KAZN: variants seen among roughly 807,000 people sequenced by gnomAD.
KAZN encodes kazrin, periplakin interacting protein, also known as kazrin.
In KAZN, 40 loss-of-function variants were observed where a neutral mutation model predicts 87.4. That is an observed-to-expected ratio of 0.46 (90% CI 0.36 to 0.60). The LOEUF (loss-of-function observed/expected upper bound fraction) is 0.60. Ranked by LOEUF, KAZN falls within the 20% of genes least tolerant of loss-of-function variation. The probability of loss-of-function intolerance (pLI) is 0.00; values close to 1 mark genes in which losing one functional copy is unlikely to be tolerated. For synonymous variants in KAZN, 466 were observed against 458.3 expected (o/e 1.02, Z -0.22); for missense variants, 898 against 1,073.9 (o/e 0.84, Z 2.29).
At chr1:14,883,452 A>T (rs1400650405) in intron 1 of KAZN, among the ~76,000 whole-genome samples, 1 of 147,932 alleles carries the variant, frequency 6.8e-6, no homozygotes, top group Non-Finnish European at 1.5e-5. Context: ...CTTCTGTTGC[A>T]GGGTGCAGGC....
chr1:14,510,144 C>T (rs1268578998), intron 2 of KAZN, among the ~76,000 whole-genome samples: 3 of 152,046 alleles, frequency 2.0e-5, no homozygotes, highest in African/African-American at 4.8e-5. Flanking sequence ...TTTGGGAGGC[C>T]GAGGTGGGTG....
chr1:14,410,233 A>G (rs766843990), intron 2 of KAZN, among the ~76,000 whole-genome samples: 2 of 152,160 alleles, frequency 1.3e-5, no homozygotes, highest in Admixed American at 6.5e-5. Flanking sequence ...CCTCCAGAGT[A>G]GCAGGGACTA....
intron 1 of KAZN, among the ~76,000 whole-genome samples, chr1:14,122,641 T>C (rs2359942): frequency 0.58 from 88,773 of 152,004 alleles, 27,719 homozygotes; most frequent in African/African-American, 0.78. Flanking sequence ...GAAGCAATTG[T>C]CTCCCGGTTA....
intron 1 of KAZN, among the ~76,000 whole-genome samples, chr1:14,606,456 G>T (rs1048972543): frequency 2.0e-5 from 3 of 152,092 alleles, no homozygotes; most frequent in African/African-American, 7.2e-5. Flanking sequence ...GCAGCCCAGG[G>T]GCCACTTATC....
At chr1:14,757,698 C>T (rs535967196) in intron 1 of KAZN, among the ~76,000 whole-genome samples, 2 of 152,164 alleles carry the variant, frequency 1.3e-5, no homozygotes, top group African/African-American at 2.4e-5. Flanking sequence ...TCGCAGTAGT[C>T]CCCTGGCACT....
intron 1 of KAZN, among the ~76,000 whole-genome samples, chr1:14,941,558 G>A (rs1661080191): frequency 6.6e-6 from 1 of 151,712 alleles, no homozygotes; most frequent in South Asian, 2.1e-4. Flanking sequence ...GGTGGGATGG[G>A]GGTGTGGGGT....
Position 14,516,444 on chromosome 1 carries a change from GC to G in KAZN, c.250-82536del, listed in dbSNP as rs1671303688. Among the ~76,000 whole-genome samples, 8 of 152,320 alleles carry G rather than the reference GC, an allele frequency of 5.3e-5. No homozygotes were observed. The South Asian group carries it at 1.7e-3, about 32-fold the overall frequency. ...AGGCCTGGTCAACCAGCATTTCCAT[GC>G]CCTTGACCACAGTGATTGGCTCAGA... On this transcript the variant is annotated intron_variant, in intron 2 of 16. Coordinates refer to the KAZN transcript ENST00000636203.
chr1:14,814,041 C>A (rs1344080859), intron 1 of KAZN, among the ~76,000 whole-genome samples: 1 of 152,184 alleles, frequency 6.6e-6, no homozygotes, highest in African/African-American at 2.4e-5. Flanking sequence ...CTCACCTTGC[C>A]TCTGTCAATG....
chr1:14,671,852 C>T (rs1405909039), intron 1 of KAZN, among the ~76,000 whole-genome samples: 13 of 152,174 alleles, frequency 8.5e-5, no homozygotes, highest in Non-Finnish European at 1.6e-4. Flanking sequence ...TATGTGTCTG[C>T]ATTTGCTAGA....
chr1:14,803,164 C>G (rs1244155893), intron 1 of KAZN, among the ~76,000 whole-genome samples: 1 of 138,490 alleles, frequency 7.2e-6, no homozygotes. Context: ...CTAAAGCCTC[C>G]CTTCATCTGC....
At chr1:14,092,317 T>C (rs1644017028) in intron 1 of KAZN, among the ~76,000 whole-genome samples, 1 of 151,430 alleles carries the variant, frequency 6.6e-6, no homozygotes. Flanking sequence ...GGTCTTGATC[T>C]CCTGACCTCG....
At chr1:13,916,629 A>C (rs1201816844) in intron 1 of KAZN, among the ~76,000 whole-genome samples, 1 of 152,222 alleles carries the variant, frequency 6.6e-6, no homozygotes, top group Non-Finnish European at 1.5e-5. Flanking sequence ...ATGTAAAATT[A>C]CAACACAGAG....
chr1:14,307,700 G>T (rs1655021104), intron 2 of KAZN, among the ~76,000 whole-genome samples: 2 of 152,170 alleles, frequency 1.3e-5, no homozygotes. Context: ...CTTTGAGTTG[G>T]AAAACAAGCC....
chr1:15,027,359 C>T (rs139940477), intron 2 of KAZN, among the ~76,000 whole-genome samples: 2 of 151,218 alleles, frequency 1.3e-5, no homozygotes, highest in Non-Finnish European at 2.9e-5. Context: ...GGATGACAGG[C>T]GTGAGCCACC....
chr1:13,981,443 GCAGT>G (rs147129356), intron 1 of KAZN, among the ~76,000 whole-genome samples: 12,695 of 151,790 alleles, frequency 0.084, 674 homozygotes, highest in Middle Eastern at 0.14. Flanking sequence ...ATTGGTCAAA[GCAGT>G]CATAACCCTG....
At chr1:14,770,111 A>G (rs57875364) in intron 1 of KAZN, among the ~76,000 whole-genome samples, 28,802 of 152,094 alleles carry the variant, frequency 0.19, 2,967 homozygotes, top group South Asian at 0.3. Context: ...GGGTCAAGCT[A>G]GAGACATGGT....
At chr1:14,737,701 G>A (rs781312339) in intron 1 of KAZN, among the ~76,000 whole-genome samples, 7 of 152,116 alleles carry the variant, frequency 4.6e-5, no homozygotes, top group Middle Eastern at 3.2e-3. Context: ...GTCCTCTTTC[G>A]AGCTCATGTG....
chr1:15,085,063 G>A (rs1189881231), intron 8 of KAZN, among the ~76,000 whole-genome samples: 1 of 151,860 alleles, frequency 6.6e-6, no homozygotes, highest in African/African-American at 2.4e-5. Flanking sequence ...AAATATAGCT[G>A]ATAACATTAA....
At chr1:14,050,088 ACATGTGTG>A (rs1016017680) in intron 1 of KAZN, among the ~76,000 whole-genome samples, 8 of 150,612 alleles carry the variant, frequency 5.3e-5, no homozygotes, top group African/African-American at 1.7e-4. Context: ...ATGCCTGTGT[ACATGTGTG>A]CATGTATGTG....
Sources: allele counts gnomAD v4.1 joint callset (sites outside exome capture counted in the v4.1 genomes callset), GRCh38; gene constraint gnomAD v4.1.1; transcripts MANE v1.5; gene names NCBI Gene and HGNC (gene_info 2026-07-23, HGNC 2026-07-21).